CHN1: variants seen among roughly 807,000 people sequenced by gnomAD.
CHN1 encodes the protein chimerin 1.
CHN1 carries 37 observed loss-of-function variants against 59.5 expected under a neutral mutation model. The ratio of observed to expected loss-of-function variants is 0.62; its 90% confidence interval spans 0.48 to 0.82. The LOEUF (loss-of-function observed/expected upper bound fraction) is 0.82. Among genes scored for constraint, CHN1 ranks in the 40% least tolerant of loss-of-function variants. The probability of loss-of-function intolerance (pLI) is 0.00; values close to 1 mark genes in which losing one functional copy is unlikely to be tolerated. For synonymous variants in CHN1, 206 were observed against 200.4 expected, an observed-to-expected ratio of 1.03 and a Z score of -0.24; for missense variants, 469 against 571.0, an observed-to-expected ratio of 0.82 and a Z score of 1.82.
Position 175,005,115 on chromosome 2 carries a change from G to C in CHN1, c.-203C>G, listed in dbSNP as rs1692022916. 7.6e-7 allele frequency: 1 copy of C among 1,320,238 alleles called. No homozygotes were observed. Among genetic ancestry groups the C allele is most frequent in the African/African-American group, 1.6e-5 (1 of 64,076 alleles). 81.8% of individuals were successfully genotyped at this position (1,320,238 alleles called of 1,614,324 possible). On this transcript the variant is annotated 5_prime_UTR_variant, in exon 1 of 13. Coordinates refer to ENST00000409900, the MANE Select transcript of CHN1 (RefSeq NM_001822.7). The stretch of plus-strand genomic sequence containing the variant: ...AAAGTTATTCACGCGTTATTGTCGG[G>C]CGCACCGGGCCCAGGGAGCCCCGCT...
At chr2:174,942,917 G>A (rs992579641) in intron 3 of CHN1, among the ~76,000 whole-genome samples, 1 of 151,934 alleles carries the variant, frequency 6.6e-6, no homozygotes, top group South Asian at 2.1e-4. Context: ...CAGACATGGT[G>A]GCACATGCCT....
At chr2:174,941,541 T>C (rs142382696) in intron 3 of CHN1, among the ~76,000 whole-genome samples, 25 of 152,312 alleles carry the variant, frequency 1.6e-4, no homozygotes, top group African/African-American at 5.8e-4. Flanking sequence ...CTCTATCCTA[T>C]ATTACAAACA....
intron 1 of CHN1, among the ~76,000 whole-genome samples, chr2:174,976,171 T>C: frequency 6.6e-6 from 1 of 151,532 alleles, no homozygotes; most frequent in Non-Finnish European, 1.5e-5. Context: ...AGATTTTGGC[T>C]TTCCTGTTTA....
intron 1 of CHN1, among the ~76,000 whole-genome samples, chr2:174,961,410 G>A (rs1010142768): frequency 6.6e-6 from 1 of 151,874 alleles, no homozygotes; most frequent in East Asian, 1.9e-4. Flanking sequence ...TGACCAACAT[G>A]GAGAAACCCC....
intron 5 of CHN1, among the ~76,000 whole-genome samples, chr2:174,889,917 GTATA>G (rs200981373): frequency 1.3e-5 from 2 of 151,518 alleles, no homozygotes; most frequent in Non-Finnish European, 2.9e-5. Context: ...GTGTGTGTAT[GTATA>G]TATATGAAAT....
chr2:174,969,543 TAA>T (rs991803795), intron 1 of CHN1, among the ~76,000 whole-genome samples: 1 of 152,184 alleles, frequency 6.6e-6, no homozygotes, highest in Non-Finnish European at 1.5e-5. Flanking sequence ...ATCAGACATA[TAA>T]GACACACTTC....
intron 3 of CHN1, among the ~76,000 whole-genome samples, chr2:174,929,760 G>C (rs1211976561): frequency 6.6e-6 from 1 of 152,156 alleles, no homozygotes; most frequent in Admixed American, 6.5e-5. Context: ...GTAACCAGTA[G>C]TGGTTAAGGT....
intron 11 of CHN1, among the ~76,000 whole-genome samples, chr2:174,803,237 CG>C (rs1197744529): frequency 6.6e-6 from 1 of 151,980 alleles, no homozygotes; most frequent in African/African-American, 2.4e-5. Context: ...TAAAAATTGG[CG>C]TGAGATGAAT....
At chr2:174,844,679 G>C (rs1429473029) in intron 7 of CHN1, among the ~76,000 whole-genome samples, 1 of 152,160 alleles carries the variant, frequency 6.6e-6, no homozygotes, top group Admixed American at 6.5e-5. Flanking sequence ...AACTGCACCT[G>C]CCACAGAGTC....
chr2:175,000,816 C>A (rs1160894224), intron 1 of CHN1, among the ~76,000 whole-genome samples: 1 of 152,152 alleles, frequency 6.6e-6, no homozygotes, highest in African/African-American at 2.4e-5. Context: ...AACTCCTGAG[C>A]TCAAGTGATC....
At chr2:174,944,680 C>G (rs1179575595) in intron 3 of CHN1, among the ~76,000 whole-genome samples, 1 of 152,136 alleles carries the variant, frequency 6.6e-6, no homozygotes, top group Non-Finnish European at 1.5e-5. Context: ...TGGTCATATT[C>G]TATACTGTGT....
chr2:174,806,732 C>T (rs769721849), intron 11 of CHN1, among the ~76,000 whole-genome samples: 42 of 152,294 alleles, frequency 2.8e-4, no homozygotes, highest in Non-Finnish European at 2.4e-4. Context: ...CATGGCACCT[C>T]GTCTATGCTC....
intron 1 of CHN1, among the ~76,000 whole-genome samples, chr2:174,969,426 A>G (rs1690686576): frequency 2.0e-5 from 3 of 152,160 alleles, no homozygotes; most frequent in South Asian, 2.1e-4. Flanking sequence ...TTTCAGAAAC[A>G]CTGACCTACA....
At chr2:174,843,809 A>C (rs1375966963) in intron 7 of CHN1, among the ~76,000 whole-genome samples, 2 of 152,172 alleles carry the variant, frequency 1.3e-5, no homozygotes, top group Non-Finnish European at 2.9e-5. Flanking sequence ...AGATTAAGCA[A>C]TTGACCCAAG....
chr2:174,835,526 T>C (rs976907174), intron 7 of CHN1, among the ~76,000 whole-genome samples: 10 of 152,074 alleles, frequency 6.6e-5, no homozygotes, highest in African/African-American at 2.2e-4. Context: ...ATTACACTTA[T>C]GTTAAGACTG....
intron 7 of CHN1, among the ~76,000 whole-genome samples, chr2:174,828,757 C>A (rs568634697): frequency 6.6e-6 from 1 of 152,076 alleles, no homozygotes; most frequent in South Asian, 2.1e-4. Context: ...GTGGGATATG[C>A]GGGAAAGGAG....
At chr2:174,924,867 G>A (rs2105380642) in intron 3 of CHN1, among the ~76,000 whole-genome samples, 1 of 152,206 alleles carries the variant, frequency 6.6e-6, no homozygotes, top group South Asian at 2.1e-4. Flanking sequence ...ATAGGAAACT[G>A]TTTACAGATT....
chr2:174,879,879 A>G (rs1389750388), intron 5 of CHN1, among the ~76,000 whole-genome samples: 1 of 152,156 alleles, frequency 6.6e-6, no homozygotes, highest in Non-Finnish European at 1.5e-5. Flanking sequence ...TTTAGTACTC[A>G]ATTGCCTTTT....
At chr2:174,962,663 C>CA (rs1690448919) in intron 1 of CHN1, among the ~76,000 whole-genome samples, 1 of 18,048 alleles carries the variant, frequency 5.5e-5, no homozygotes, top group Non-Finnish European at 1.9e-4. Flanking sequence ...TTGGAAGGCC[C>CA]GGGGGGGGGG....
Sources: gnomAD v4.1 joint callset for allele counts (sites outside exome capture counted in the v4.1 genomes callset) on GRCh38, gnomAD v4.1.1 for gene constraint, MANE v1.5 for transcripts, NCBI Gene and HGNC (gene_info 2026-07-23, HGNC 2026-07-21) for gene names.